TAF3: variants seen among roughly 807,000 people sequenced by gnomAD.
TAF3 encodes TATA-box binding protein associated factor 3.
In TAF3, 7 loss-of-function variants were observed where a neutral mutation model predicts 80.6. The observed-to-expected ratio is 0.09, with a 90% confidence interval of 0.05 to 0.16. The LOEUF is 0.16. Ranked by LOEUF, TAF3 falls within the 10% of genes least tolerant of loss-of-function variation. The probability of loss-of-function intolerance (pLI) is 1.00; values close to 1 mark genes in which losing one functional copy is unlikely to be tolerated. For missense variants in TAF3, 921 were observed against 1,140.2 expected, an observed-to-expected ratio of 0.81 and a Z score of 2.77; for synonymous variants, 444 against 446.1, an observed-to-expected ratio of 1.00 and a Z score of 0.06.
At chr10:7,880,639 A>C (rs1837352369) in intron 2 of TAF3, among the ~76,000 whole-genome samples, 1 of 152,108 alleles carries the variant, frequency 6.6e-6, no homozygotes. Context: ...ATATTCCTAG[A>C]ATAAGCTACT....
chr10:7,844,854 C>T (rs948045964), intron 2 of TAF3, among the ~76,000 whole-genome samples: 2 of 151,784 alleles, frequency 1.3e-5, no homozygotes, highest in Non-Finnish European at 2.9e-5. Context: ...TTTGTATTTC[C>T]TATTTTTAAA....
rs778938075 is a variant in TAF3 at position 7,982,565 on chromosome 10, A to AT, written c.2315+5248dup. 6.3e-4 allele frequency among the ~76,000 whole-genome samples: 96 copies of AT among 152,080 alleles called. 1 individual carries two copies. The highest frequency in any genetic ancestry group is 9.7e-4 in the Non-Finnish European group (66 of 67,974). The stretch of plus-strand genomic sequence containing the variant: ...AGGCATGTGCCACCATGCCCGGCTA[A>AT]TTTTTTGTAGTTTTAGTAGAGATGG... On this transcript the variant is annotated intron_variant, in intron 4 of 6. Transcript: ENST00000344293.
intron 2 of TAF3, among the ~76,000 whole-genome samples, chr10:7,897,208 T>C (rs1588543195): frequency 6.6e-6 from 1 of 152,188 alleles, no homozygotes; most frequent in Middle Eastern, 3.2e-3. Context: ...TTATTGTCTT[T>C]GCAGGGTCTA....
chr10:8,004,379 A>G (rs1394879420), intron 4 of TAF3, among the ~76,000 whole-genome samples: 1 of 152,168 alleles, frequency 6.6e-6, no homozygotes, highest in East Asian at 1.9e-4. Context: ...AAATATTGAC[A>G]GATATAGTGC....
chr10:7,931,793 C>G (rs1386076662), intron 2 of TAF3, among the ~76,000 whole-genome samples: 3 of 152,162 alleles, frequency 2.0e-5, no homozygotes, highest in South Asian at 2.1e-4. Context: ...GGGCAGTTAA[C>G]TATATGTAAA....
chr10:7,954,667 G>C (rs1838117840), intron 2 of TAF3, among the ~76,000 whole-genome samples: 1 of 140,160 alleles, frequency 7.1e-6, no homozygotes, highest in South Asian at 2.6e-4. Flanking sequence ...ATATGTGAAT[G>C]AGTGGATTAG....
chr10:7,862,814 A>T (rs1054850459), intron 2 of TAF3, among the ~76,000 whole-genome samples: 2 of 152,194 alleles, frequency 1.3e-5, no homozygotes, highest in Non-Finnish European at 2.9e-5. Flanking sequence ...TTTTTCACCA[A>T]TATAATTATT....
At chr10:7,861,547 A>T (rs1195069783) in intron 2 of TAF3, among the ~76,000 whole-genome samples, 3 of 152,194 alleles carry the variant, frequency 2.0e-5, no homozygotes, top group African/African-American at 7.2e-5. Context: ...GCCATTTCTC[A>T]AAAAAGTCCA....
At chr10:7,912,884 G>T (rs1488032947) in intron 2 of TAF3, among the ~76,000 whole-genome samples, 1 of 152,088 alleles carries the variant, frequency 6.6e-6, no homozygotes, top group African/African-American at 2.4e-5. Flanking sequence ...ACCTTCACCT[G>T]TTAGGTTTTT....
intron 2 of TAF3, among the ~76,000 whole-genome samples, chr10:7,904,894 A>G (rs1454859943): frequency 1.3e-5 from 2 of 152,042 alleles, no homozygotes; most frequent in African/African-American, 2.4e-5. Flanking sequence ...ATGAACCCCA[A>G]TTCCCCGCAC....
chr10:7,995,650 A>T (rs1164062636), intron 4 of TAF3, among the ~76,000 whole-genome samples: 2 of 152,138 alleles, frequency 1.3e-5, no homozygotes, highest in South Asian at 4.1e-4. Flanking sequence ...ACTTCATGCA[A>T]TTTGTTTCAT....
chr10:7,869,602 T>C (rs1837246344), intron 2 of TAF3, among the ~76,000 whole-genome samples: 1 of 152,230 alleles, frequency 6.6e-6, no homozygotes, highest in Non-Finnish European at 1.5e-5. Context: ...CACACATCCA[T>C]TTGCGTTTTC....
intron 2 of TAF3, among the ~76,000 whole-genome samples, chr10:7,913,001 G>T (rs1322558255): frequency 2.0e-5 from 3 of 152,156 alleles, no homozygotes; most frequent in African/African-American, 7.2e-5. Context: ...TAGGACCGAG[G>T]GGTCAGCAGG....
chr10:7,973,005 G>A (rs1018659234), intron 3 of TAF3, among the ~76,000 whole-genome samples: 3 of 152,220 alleles, frequency 2.0e-5, no homozygotes, highest in African/African-American at 7.2e-5. Flanking sequence ...AGGAGCAGTA[G>A]GGTGAACAGG....
intron 2 of TAF3, among the ~76,000 whole-genome samples, chr10:7,958,085 A>G (rs1380793137): frequency 6.6e-6 from 1 of 152,222 alleles, no homozygotes; most frequent in East Asian, 1.9e-4. Context: ...ATACACATGC[A>G]TGCAAAGAAT....
At chr10:7,951,584 C>T (rs1838082771) in intron 2 of TAF3, among the ~76,000 whole-genome samples, 1 of 152,232 alleles carries the variant, frequency 6.6e-6, no homozygotes, top group Non-Finnish European at 1.5e-5. Flanking sequence ...AAGCAAGTCA[C>T]ACAGCCACCC....
Position 7,930,833 on chromosome 10 carries a change from TA to T in TAF3, c.410-33086del, listed in dbSNP as rs982240776. 3.3e-5 allele frequency among the ~76,000 whole-genome samples: 5 copies of T among 152,100 alleles called. 1 individual carries two copies. The highest frequency in any genetic ancestry group is 1.2e-4 in the African/African-American group (5 of 41,546). ...AGAGGATATTGCTATCTATAATATA[TA>T]TTTTTTATACTTTTGTATATAAAAA... On this transcript the variant is annotated intron_variant, in intron 2 of 6. Transcript: ENST00000344293.
At chr10:7,848,117 A>G (rs865897666) in intron 2 of TAF3, among the ~76,000 whole-genome samples, 7 of 152,320 alleles carry the variant, frequency 4.6e-5, no homozygotes, top group South Asian at 2.1e-4. Context: ...TCATAGTTCT[A>G]TGCATTCTTC....
chr10:7,846,366 C>T (rs1285088726), intron 2 of TAF3, among the ~76,000 whole-genome samples: 1 of 152,164 alleles, frequency 6.6e-6, no homozygotes, highest in African/African-American at 2.4e-5. Context: ...TCTGTCCTTT[C>T]ATTTAAAATA....
Sources: allele counts gnomAD v4.1 joint callset (sites outside exome capture counted in the v4.1 genomes callset), GRCh38; gene constraint gnomAD v4.1.1; transcripts MANE v1.5; gene names NCBI Gene and HGNC (gene_info 2026-07-23, HGNC 2026-07-21).